The following A1CF variants were observed in gnomAD, a reference collection of about 807,000 sequenced individuals.
A1CF encodes the protein APOBEC-1 stimulating protein.
A1CF carries 48 observed loss-of-function variants against 68.9 expected under a neutral mutation model. The ratio of observed to expected loss-of-function variants is 0.70; its 90% confidence interval spans 0.55 to 0.89. A1CF has a LOEUF of 0.89. Among genes scored for constraint, A1CF ranks in the 40% least tolerant of loss-of-function variants. The probability of loss-of-function intolerance (pLI) is 0.00; values close to 1 mark genes in which losing one functional copy is unlikely to be tolerated. For missense variants in A1CF, 653 were observed against 718.9 expected, an observed-to-expected ratio of 0.91 and a Z score of 1.05; for synonymous variants, 272 against 260.4, an observed-to-expected ratio of 1.04 and a Z score of -0.43.
intron 1 of A1CF, among the ~76,000 whole-genome samples, chr10:50,882,587 T>G (rs533954500): frequency 6.6e-6 from 1 of 152,202 alleles, no homozygotes; most frequent in Admixed American, 6.5e-5. Context: ...AAGGAGCAGA[T>G]GGGATACAGA....
At chr10:50,861,770 T>C (rs1393574998) in intron 2 of A1CF, among the ~76,000 whole-genome samples, 1 of 147,982 alleles carries the variant, frequency 6.8e-6, no homozygotes, top group Admixed American at 6.8e-5. Flanking sequence ...ATTATAGTAA[T>C]ACTAATCATA....
At chr10:50,807,789 A>G (rs1837905366) in intron 12 of A1CF, among the ~76,000 whole-genome samples, 1 of 152,192 alleles carries the variant, frequency 6.6e-6, no homozygotes, top group Non-Finnish European at 1.5e-5. Flanking sequence ...CTTAAGTACA[A>G]ATGGGCACCT....
chr10:50,821,202 C>A (rs1295871011), intron 7 of A1CF, among the ~76,000 whole-genome samples: 1 of 152,070 alleles, frequency 6.6e-6, no homozygotes, highest in East Asian at 1.9e-4. Flanking sequence ...ATCCAATAAT[C>A]TTTAAATAAA....
chr10:50,864,831 T>C (rs993475654), intron 1 of A1CF, among the ~76,000 whole-genome samples: 1 of 152,116 alleles, frequency 6.6e-6, no homozygotes, highest in African/African-American at 2.4e-5. Flanking sequence ...TTGGTCAGGC[T>C]GGTCTCGACC....
intron 1 of A1CF, among the ~76,000 whole-genome samples, chr10:50,867,684 C>G (rs1841055971): frequency 6.6e-6 from 1 of 151,936 alleles, no homozygotes; most frequent in Admixed American, 6.6e-5. Flanking sequence ...TTTATACAAA[C>G]AAAAGAAATG....
chr10:50,834,458 G>A (rs1037716492), intron 6 of A1CF, among the ~76,000 whole-genome samples: 2 of 152,170 alleles, frequency 1.3e-5, no homozygotes, highest in Non-Finnish European at 2.9e-5. Context: ...ACATAAGCAT[G>A]GAAGTGTCTA....
rs183095006 is a variant in A1CF at position 50,802,039 on chromosome 10, G to A, written c.*4690C>T. 64 of 152,174 alleles carry A rather than the reference G, an allele frequency of 4.2e-4. No individual in the cohort carries two copies. The highest frequency in any genetic ancestry group is 1.4e-3 in the African/African-American group (60 of 41,512). 9.4% of individuals were successfully genotyped at this position (152,174 alleles called of 1,614,324 possible). A position where few individuals can be genotyped will look rare whatever the true frequency, so the allele number is the denominator to read the frequency against. On this transcript the variant is annotated 3_prime_UTR_variant, in exon 13 of 13. Transcript: ENST00000373997. ...GCTTTAAAAATGTTGGACATTTGGA[G>A]GGCAATAGAGTATTCTGTACCCATT...
intron 7 of A1CF, among the ~76,000 whole-genome samples, chr10:50,827,716 C>T (rs1029603104): frequency 1.3e-5 from 2 of 152,062 alleles, no homozygotes; most frequent in African/African-American, 4.8e-5. Context: ...CCTAACATCA[C>T]AATTAAAAGA....
intron 1 of A1CF, among the ~76,000 whole-genome samples, chr10:50,876,171 TG>T (rs1352775630): frequency 6.6e-6 from 1 of 152,252 alleles, no homozygotes; most frequent in African/African-American, 2.4e-5. Context: ...ATTGTGTGTA[TG>T]TATAGATGTA....
chr10:50,829,613 A>G (rs935723708), intron 6 of A1CF, among the ~76,000 whole-genome samples: 5 of 152,152 alleles, frequency 3.3e-5, no homozygotes, highest in African/African-American at 1.2e-4. Flanking sequence ...GGCTCTTGTT[A>G]CCCTAGCTGT....
intron 5 of A1CF, among the ~76,000 whole-genome samples, chr10:50,840,754 T>C (rs969545882): frequency 6.6e-6 from 1 of 152,182 alleles, no homozygotes; most frequent in Non-Finnish European, 1.5e-5. Flanking sequence ...GACAGTCACC[T>C]TCTCAACACC....
At position 50,805,884 on chromosome 10, in the gene A1CF, G is replaced by A. The variant is rs1011402600; in HGVS notation, c.*845C>T. The A allele has an allele frequency of 1.3e-5, 2 of 152,120 alleles. No individual in the cohort carries two copies. The highest frequency in any genetic ancestry group is 4.8e-5 in the African/African-American group (2 of 41,434). The allele number at this position is 152,120 out of a possible 1,614,324, so 9.4% of individuals were successfully genotyped here. A position where few individuals can be genotyped will look rare whatever the true frequency, so the allele number is the denominator to read the frequency against. On this transcript the variant is annotated 3_prime_UTR_variant, in exon 13 of 13. Coordinates refer to ENST00000373997, the MANE Select transcript of A1CF (RefSeq NM_014576.4). The stretch of plus-strand genomic sequence containing the variant: ...CTGATTTACTTTTTTATGATATTAG[G>A]TAGGAGAAAAATGAGTCTGAGATGA...
At chr10:50,868,882 A>T (rs1841118531) in intron 1 of A1CF, among the ~76,000 whole-genome samples, 1 of 152,188 alleles carries the variant, frequency 6.6e-6, no homozygotes, top group African/African-American at 2.4e-5. Flanking sequence ...GCAGAGGAGG[A>T]TAACAGAAAA....
chr10:50,878,079 G>T (rs551308975), intron 1 of A1CF, among the ~76,000 whole-genome samples: 1 of 152,066 alleles, frequency 6.6e-6, no homozygotes, highest in African/African-American at 2.4e-5. Context: ...CTGAGATCAC[G>T]CTACTACACT....
rs182844739 is a variant in A1CF, at chr10:50,815,394, T to C, written c.1141+612A>G. On this transcript the variant is annotated intron_variant, in intron 9 of 12. Transcript: ENST00000373997. ...TAGCAGTCTGATTGAGGGTTTTTTT[T>C]CTATTTGTTGTTCAGTTCTCCATGT... Among the ~76,000 whole-genome samples, 660 of 152,322 alleles carry C rather than the reference T, an allele frequency of 4.3e-3. 8 individuals carry two copies. The highest frequency in any genetic ancestry group is 0.034 in the Middle Eastern group (10 of 294).
intron 8 of A1CF, among the ~76,000 whole-genome samples, chr10:50,819,055 G>A (rs1414804709): frequency 1.3e-5 from 2 of 152,190 alleles, no homozygotes; most frequent in Admixed American, 6.6e-5. Flanking sequence ...TTATTCTGCT[G>A]GACCCGTCTT....
chr10:50,884,046 A>T (rs1278941458), intron 1 of A1CF, among the ~76,000 whole-genome samples: 1 of 152,138 alleles, frequency 6.6e-6, no homozygotes, highest in East Asian at 1.9e-4. Context: ...TACTCAAAAC[A>T]CTCATGTGGT....
rs189792766 is a variant in A1CF, at chr10:50,805,757, C to T, written c.*972G>A. ...CTAGATGGTGGGGTGGATACTGCAA[C>T]AATATCAAAGAAATGAGAGCAAATC... On this transcript the variant is annotated 3_prime_UTR_variant, in exon 13 of 13. Coordinates refer to ENST00000373997, the MANE Select transcript of A1CF (RefSeq NM_014576.4). The T allele has an allele frequency of 6.6e-6, 1 of 152,268 alleles. No individual in the cohort carries two copies. The highest frequency in any genetic ancestry group is 1.9e-4 in the East Asian group (1 of 5,182). 9.4% of individuals were successfully genotyped at this position (152,268 alleles called of 1,614,324 possible).
intron 3 of A1CF, among the ~76,000 whole-genome samples, chr10:50,856,511 T>C (rs1840482522): frequency 6.6e-6 from 1 of 152,092 alleles, no homozygotes; most frequent in South Asian, 2.1e-4. Flanking sequence ...AAAGTTTAGG[T>C]TCCAAAAAAA....
Sources: allele counts gnomAD v4.1 joint callset (sites outside exome capture counted in the v4.1 genomes callset), GRCh38; gene constraint gnomAD v4.1.1; transcripts MANE v1.5; gene names NCBI Gene and HGNC (gene_info 2026-07-23, HGNC 2026-07-21).